The following ADGRD1 variants were observed in gnomAD, a reference collection of about 807,000 sequenced individuals.
ADGRD1 encodes the protein G-protein coupled receptor 133.
A neutral mutation model predicts 113.4 loss-of-function variants in ADGRD1; 77 were observed. The observed-to-expected ratio is 0.68, with a 90% CI of 0.57 to 0.82. ADGRD1 has a LOEUF of 0.82. ADGRD1 is among the 40% of genes least tolerant of loss of function. The probability of loss-of-function intolerance (pLI) is 0.00; values close to 1 mark genes in which losing one functional copy is unlikely to be tolerated. For missense variants in ADGRD1, 1,036 were observed against 1,139.1 expected, an observed-to-expected ratio of 0.91 and a Z score of 1.30; for synonymous variants, 474 against 475.0, an observed-to-expected ratio of 1.00 and a Z score of 0.03.
At chr12:131,045,060 G>A (rs1882539402) in intron 13 of ADGRD1, among the ~76,000 whole-genome samples, 1 of 152,252 alleles carries the variant, frequency 6.6e-6, no homozygotes, top group Non-Finnish European at 1.5e-5. Flanking sequence ...ACGCAGTGGT[G>A]TTGCAGCGCC....
At chr12:131,051,532 G>A (rs1883393832) in intron 13 of ADGRD1, among the ~76,000 whole-genome samples, 2 of 150,000 alleles carry the variant, frequency 1.3e-5, no homozygotes, top group South Asian at 4.2e-4. Flanking sequence ...TGCCCAGGCT[G>A]GAGGGCAGTG....
intron 13 of ADGRD1, among the ~76,000 whole-genome samples, chr12:131,018,852 A>G (rs1251447904): frequency 6.6e-6 from 1 of 152,062 alleles, no homozygotes. Context: ...TTCAGGACAG[A>G]CTGAGGTGTT....
chr12:131,138,585 TCACTGTGCCGCTGCTTCCC>T (rs1951165374), intron 24 of ADGRD1, among the ~76,000 whole-genome samples: 1 of 152,210 alleles, frequency 6.6e-6, no homozygotes, highest in African/African-American at 2.4e-5. Flanking sequence ...GTTAGGGTTC[TCACTGTGCCGCTGCTTCCC>T]CCCTGCTGGA....
In ADGRD1 at chr12:131,141,428, T is replaced by G. The variant is rs1951242634; in HGVS notation, c.*2165T>G. The G allele has an allele frequency of 6.6e-6, 1 of 152,252 alleles. No homozygotes were observed. The highest frequency in any genetic ancestry group is 2.4e-5 in the African/African-American group (1 of 41,468). 9.4% of individuals were successfully genotyped at this position (152,252 alleles called of 1,614,324 possible). A position where few individuals can be genotyped will look rare whatever the true frequency, so the allele number is the denominator to read the frequency against. On this transcript the variant is annotated 3_prime_UTR_variant, in exon 25 of 25. Transcript: ENST00000261654. Reference sequence around the variant, plus strand: ...ATGATGACACTAAGTTGTGAAAATATGTTGTGATTTTTATGAAATAAACTC... The same window carrying G: ...ATGATGACACTAAGTTGTGAAAATAGGTTGTGATTTTTATGAAATAAACTC...
intron 13 of ADGRD1, among the ~76,000 whole-genome samples, chr12:131,016,579 C>T (rs979817344): frequency 2.0e-5 from 3 of 152,224 alleles, no homozygotes; most frequent in South Asian, 2.1e-4. Flanking sequence ...AGTGCTGCCC[C>T]GCGGCGTGTC....
At chr12:131,018,564 G>A (rs1195916) in intron 13 of ADGRD1, among the ~76,000 whole-genome samples, 95,296 of 151,806 alleles carry the variant, frequency 0.63, 31,872 homozygotes, top group East Asian at 0.83. Flanking sequence ...ACGAGGACCC[G>A]TATGTTAAAC....
chr12:131,036,657 T>C (rs933519498), intron 13 of ADGRD1, among the ~76,000 whole-genome samples: 1 of 144,742 alleles, frequency 6.9e-6, no homozygotes, highest in African/African-American at 2.7e-5. Context: ...CCTCACTCAC[T>C]GCACGGGGCC....
chr12:130,954,188 G>A lies in ADGRD1; in HGVS notation c.-278G>A, dbSNP rs534556484. ...CCTGGGATTGCTTTCCCAGGACTGC[G>A]AGTCGGGTTTGGGTTTCTCCTCCCT... On this transcript the variant is annotated 5_prime_UTR_variant, in exon 1 of 25. Coordinates refer to ENST00000261654, the MANE Select transcript of ADGRD1 (RefSeq NM_198827.5). The surrounding 1 kb of genome is among the most constrained non-coding windows in gnomAD (Gnocchi z 4.7). 4 of 372,340 alleles carry A rather than the reference G, an allele frequency of 1.1e-5. No individual in the cohort carries two copies. The highest frequency in any genetic ancestry group is 8.1e-5 in the East Asian group (2 of 24,602). 23.1% of individuals were successfully genotyped at this position (372,340 alleles called of 1,614,324 possible).
At chr12:131,089,223 G>C (rs1886730049) in intron 15 of ADGRD1, among the ~76,000 whole-genome samples, 1 of 152,250 alleles carries the variant, frequency 6.6e-6, no homozygotes, top group Non-Finnish European at 1.5e-5. Flanking sequence ...CCTCAGCCTG[G>C]AAGTGAGTGA....
chr12:131,130,492 G>A (rs1480399827), intron 20 of ADGRD1, among the ~76,000 whole-genome samples: 1 of 152,222 alleles, frequency 6.6e-6, no homozygotes, highest in Non-Finnish European at 1.5e-5. Flanking sequence ...TGCAGACAGG[G>A]CCGGTCTCCT....
intron 2 of ADGRD1, among the ~76,000 whole-genome samples, chr12:130,960,459 AC>A (rs565305280): frequency 6.6e-6 from 1 of 152,380 alleles, no homozygotes; most frequent in African/African-American, 2.4e-5. Flanking sequence ...TTTTAAAAAA[AC>A]AATGTTTATA....
At chr12:131,101,695 T>C (rs772026772) in intron 15 of ADGRD1, among the ~76,000 whole-genome samples, 5 of 152,192 alleles carry the variant, frequency 3.3e-5, no homozygotes, top group Non-Finnish European at 7.3e-5. Flanking sequence ...CATTGGTTTT[T>C]AACTGAATTC....
chr12:131,104,515 G>A (rs1412470772), intron 15 of ADGRD1, among the ~76,000 whole-genome samples: 2 of 152,158 alleles, frequency 1.3e-5, no homozygotes, highest in African/African-American at 4.8e-5. Flanking sequence ...CTGCAGCCCT[G>A]TGTATTGCAG....
At chr12:131,129,934 C>T (rs914156223) in intron 20 of ADGRD1, among the ~76,000 whole-genome samples, 11 of 152,234 alleles carry the variant, frequency 7.2e-5, no homozygotes, top group Non-Finnish European at 1.3e-4. Flanking sequence ...GGGCATGGGC[C>T]GCACTCACAC....
intron 14 of ADGRD1, among the ~76,000 whole-genome samples, chr12:131,079,989 CTTTAA>C: frequency 6.6e-6 from 1 of 152,040 alleles, no homozygotes; most frequent in East Asian, 1.9e-4. Context: ...TCCTCTTTGT[CTTTAA>C]TTTACTTCCT....
At chr12:130,979,751 C>CG (rs1872715823) in intron 4 of ADGRD1, among the ~76,000 whole-genome samples, 1 of 148,126 alleles carries the variant, frequency 6.8e-6, no homozygotes, top group African/African-American at 2.5e-5. Context: ...CCAGGCTTGG[C>CG]GGGGGTGAGG....
chr12:131,062,105 C>A (rs959351663), intron 13 of ADGRD1, among the ~76,000 whole-genome samples: 9 of 152,176 alleles, frequency 5.9e-5, no homozygotes, highest in African/African-American at 1.9e-4. Flanking sequence ...CAGCTCACTG[C>A]AACCTCCGCC....
rs562855452 is a variant in ADGRD1 at position 131,131,264 on chromosome 12, A to G, written c.2176-461A>G. Among the ~76,000 whole-genome samples the G allele has an allele frequency of 1.1e-4, 17 of 152,302 alleles. No individual in the cohort carries two copies. The South Asian group carries it at 2.1e-3, about 19-fold the overall frequency. ...CTCTGCCGCAGCTTCTGTGGCTCGC[A>G]CAGCCGCAGGCCTGGGCCGGGGCGG... On this transcript the variant is annotated intron_variant, in intron 20 of 24. Transcript: ENST00000261654.
In ADGRD1 at chr12:130,992,386, CACCAAGGT is replaced by C; in HGVS notation, c.962_966+3del. On this transcript the variant is annotated splice_donor_variant and coding_sequence_variant, in exon 8 of 25. Coordinates refer to ENST00000261654, the MANE Select transcript of ADGRD1 (RefSeq NM_198827.5). LOFTEE classifies it high-confidence loss of function. ...TCTCGGAGCAGACAGCCTTGAATCT[CACCAAGGT>C]AAGGCTATTTGATGTCTGTGTCTGG... is the stretch of plus-strand genomic sequence containing the variant. The C allele has an allele frequency of 1.2e-6, 2 of 1,612,802 alleles. No homozygotes were observed.
Sources: gnomAD v4.1 joint callset for allele counts (sites outside exome capture counted in the v4.1 genomes callset) on GRCh38, gnomAD v4.1.1 for gene constraint, Gnocchi (gnomAD v3.1) non-coding constraint, MANE v1.5 for transcripts, NCBI Gene and HGNC (gene_info 2026-07-23, HGNC 2026-07-21) for gene names.